The following CPNE4 variants were observed in gnomAD, a reference collection of about 807,000 sequenced individuals.
The protein encoded by CPNE4 is copine 4, also known as copine-4.
In CPNE4, 25 loss-of-function variants were observed where a neutral mutation model predicts 67.9. That is an observed-to-expected ratio of 0.37 (90% CI 0.27 to 0.51). The LOEUF is 0.51. CPNE4 is among the 20% of genes least tolerant of loss of function. CPNE4 has a pLI of 0.93. For missense variants in CPNE4, 464 were observed against 690.8 expected (o/e 0.67, Z 3.68); for synonymous variants, 242 against 244.9 (o/e 0.99, Z 0.11).
chr3:131,555,466 G>T, intron 12 of CPNE4, 31 bp downstream of exon 12: 3 of 1,601,196 alleles, frequency 1.9e-6, no homozygotes, highest in Non-Finnish European at 2.6e-6. Context: ...CCACAGTGAA[G>T]TGGAAGAAGA....
At chr3:131,922,870 T>C (rs73206076) in intron 1 of CPNE4, among the ~76,000 whole-genome samples, 11,506 of 152,266 alleles carry the variant, frequency 0.076, 572 homozygotes, top group East Asian at 0.17. Flanking sequence ...TCCTGTGGTC[T>C]AGAATATATT....
chr3:131,606,439 G>C (rs1056223010), intron 7 of CPNE4, among the ~76,000 whole-genome samples: 2 of 152,054 alleles, frequency 1.3e-5, no homozygotes, highest in Non-Finnish European at 2.9e-5. Flanking sequence ...GCCAATTCTG[G>C]GTGTTTATAG....
At chr3:132,025,565 A>C (rs1212256376) in intron 1 of CPNE4, among the ~76,000 whole-genome samples, 3 of 152,194 alleles carry the variant, frequency 2.0e-5, no homozygotes, top group African/African-American at 7.2e-5. Context: ...TCATAAACAC[A>C]CTTCTAATTT....
intron 2 of CPNE4, among the ~76,000 whole-genome samples, chr3:131,736,559 G>A (rs1052109551): frequency 6.8e-6 from 1 of 146,692 alleles, no homozygotes; most frequent in African/African-American, 2.5e-5. Context: ...GGCGGAGGTT[G>A]AGCGGAGATC....
intron 2 of CPNE4, among the ~76,000 whole-genome samples, chr3:131,836,478 C>T (rs529488471): frequency 1.3e-5 from 2 of 152,248 alleles, no homozygotes; most frequent in South Asian, 4.1e-4. Context: ...AGAGAATCTA[C>T]AAAATAACCT....
intron 2 of CPNE4, among the ~76,000 whole-genome samples, chr3:131,802,715 G>C (rs1190944149): frequency 6.6e-6 from 1 of 152,174 alleles, no homozygotes; most frequent in Non-Finnish European, 1.5e-5. Context: ...AAATGTTCAC[G>C]GAGGGAAACC....
chr3:131,644,671 C>G (rs991510556), intron 7 of CPNE4, among the ~76,000 whole-genome samples: 1 of 152,100 alleles, frequency 6.6e-6, no homozygotes, highest in Non-Finnish European at 1.5e-5. Context: ...AAGATCTTGC[C>G]TCTTACCCTA....
rs35495075 is a variant in CPNE4, at chr3:131,777,378, G to GTT, written c.181-53755_181-53754dup. ...GAATCAGAGAAAATAGCATTTCAAG[G>GTT]TTTTTTTTTTTTTTTTAGTTTCAAG... On this transcript the variant is annotated intron_variant, in intron 2 of 15. Transcript: ENST00000429747. Among the ~76,000 whole-genome samples, 207 of 142,652 alleles carry GTT rather than the reference G, an allele frequency of 1.5e-3. 1 individual carries two copies. The highest frequency in any genetic ancestry group is 5.1e-3 in the African/African-American group (201 of 39,114). The allele number at this position is 142,652 out of a possible 152,430, so 93.6% of individuals were successfully genotyped here.
chr3:131,699,852 C>T, intron 4 of CPNE4, 57 bp downstream of exon 4: 1 of 1,479,912 alleles, frequency 6.8e-7, no homozygotes, highest in Non-Finnish European at 9.4e-7. Flanking sequence ...TTTGGGCTGG[C>T]CAGTCCGCCC....
chr3:131,766,735 A>G (rs900631233), intron 2 of CPNE4, among the ~76,000 whole-genome samples: 14 of 151,434 alleles, frequency 9.2e-5, no homozygotes, highest in South Asian at 2.1e-4. Flanking sequence ...GTTATATTAG[A>G]AAAAAAACAG....
intron 1 of CPNE4, among the ~76,000 whole-genome samples, chr3:131,919,472 TCCCA>T (rs1220717547): frequency 6.6e-6 from 1 of 152,188 alleles, no homozygotes; most frequent in African/African-American, 2.4e-5. Flanking sequence ...TGCTGTATGA[TCCCA>T]ATTTTGTGAA....
chr3:131,541,752 C>A (rs1050451760), intron 15 of CPNE4, among the ~76,000 whole-genome samples: 6 of 151,554 alleles, frequency 4.0e-5, no homozygotes, highest in Non-Finnish European at 8.8e-5. Context: ...CTCACTGCAA[C>A]CTCCACCTCC....
chr3:131,718,981 G>C (rs2081812437), intron 3 of CPNE4, among the ~76,000 whole-genome samples: 1 of 152,182 alleles, frequency 6.6e-6, no homozygotes. Context: ...GTAATATTCT[G>C]TGCCTACCCA....
At position 131,905,275 on chromosome 3, in the gene CPNE4, G is replaced by A. The variant is rs750461640; in HGVS notation, c.169C>T (p.Gln57Ter). The A allele has an allele frequency of 2.5e-6, 4 of 1,612,962 alleles. No homozygotes were observed. The highest frequency in any genetic ancestry group is 3.4e-6 in the Non-Finnish European group (4 of 1,179,372). Reference protein sequence around the residue: ...CVILKMQSHGQWFEVDRTEVI... With the variant: ...CVILKMQSHG ...TTGGACATGCCTACCTCAAACCACT[G>A]CCCATGAGACTGCATCTTGAGGATG... is the stretch of plus-strand genomic sequence containing the variant. The change falls in exon 2 of 16, where the codon CAG (glutamine) becomes TAG (stop). Residue 57 changes from glutamine (Q) to a stop codon, truncating the protein, a stop_gained. Transcript: ENST00000429747. LOFTEE classifies it high-confidence loss of function.
chr3:131,626,195 A>G (rs767928086), intron 7 of CPNE4, among the ~76,000 whole-genome samples: 1 of 152,178 alleles, frequency 6.6e-6, no homozygotes, highest in Non-Finnish European at 1.5e-5. Context: ...TGGCCTCTAA[A>G]TGTTCAAGAA....
In CPNE4 at chr3:132,034,927, GA is replaced by G. The variant is rs2074314509; in HGVS notation, c.-363del. On this transcript the variant is annotated 5_prime_UTR_variant, in exon 1 of 16. Transcript: ENST00000429747. ...GAGGGAGTGGAGTGGAGCGAGGGAGGAAGGAAAGGAGGGTGGCAGAAAGAGA... is the reference window on the plus strand; with the variant it reads ...GAGGGAGTGGAGTGGAGCGAGGGAGGAGGAAAGGAGGGTGGCAGAAAGAGA... The G allele has an allele frequency of 2.0e-6, 2 of 985,262 alleles. No homozygotes were observed. The allele number at this position is 985,262 out of a possible 1,614,324, so 61.0% of individuals were successfully genotyped here.
chr3:131,696,404 C>T (rs372103771), intron 5 of CPNE4, 138 bp downstream of exon 5: 3 of 700,178 alleles, frequency 4.3e-6, no homozygotes, highest in Non-Finnish European at 7.3e-6. Flanking sequence ...GGAAAGTTTA[C>T]TTTGTAGACC....
intron 1 of CPNE4, among the ~76,000 whole-genome samples, chr3:131,978,547 T>C (rs535785601): frequency 1.4e-4 from 13 of 93,978 alleles, no homozygotes; most frequent in African/African-American, 4.8e-4. Flanking sequence ...TATAAATATA[T>C]ATATATATAT....
At chr3:131,791,100 A>G (rs1413305933) in intron 2 of CPNE4, among the ~76,000 whole-genome samples, 1 of 152,210 alleles carries the variant, frequency 6.6e-6, no homozygotes, top group Non-Finnish European at 1.5e-5. Flanking sequence ...TGCAGCTTTA[A>G]TGAGATGAAT....
Sources: allele counts gnomAD v4.1 joint callset (sites outside exome capture counted in the v4.1 genomes callset), GRCh38; gene constraint gnomAD v4.1.1; transcripts MANE v1.5; gene names NCBI Gene and HGNC (gene_info 2026-07-23, HGNC 2026-07-21).